The following CDK14 variants were observed in gnomAD, a reference collection of about 807,000 sequenced individuals.
CDK14 encodes cyclin dependent kinase 14.
A neutral mutation model predicts 60.7 loss-of-function variants in CDK14; 34 were observed. The observed-to-expected ratio is 0.56, with a 90% CI of 0.43 to 0.75. The LOEUF (loss-of-function observed/expected upper bound fraction) is 0.75. CDK14 is among the 30% of genes least tolerant of loss of function. CDK14 has a pLI of 0.00. For missense variants in CDK14, 482 were observed against 564.1 expected, an observed-to-expected ratio of 0.85 and a Z score of 1.47; for synonymous variants, 197 against 203.7, an observed-to-expected ratio of 0.97 and a Z score of 0.28.
intron 6 of CDK14, among the ~76,000 whole-genome samples, chr7:90,886,301 A>G (rs1231236864): frequency 2.6e-5 from 4 of 152,310 alleles, no homozygotes; most frequent in Non-Finnish European, 4.4e-5. Flanking sequence ...AAGAAACTTC[A>G]TATCTTGATT....
chr7:90,805,265 C>T (rs574567355), intron 5 of CDK14, among the ~76,000 whole-genome samples: 1 of 152,160 alleles, frequency 6.6e-6, no homozygotes, highest in East Asian at 1.9e-4. Flanking sequence ...AGGGGGGTAT[C>T]TTAAAGTTCA....
chr7:91,065,047 A>G (rs1313048253), intron 11 of CDK14, among the ~76,000 whole-genome samples: 1 of 152,208 alleles, frequency 6.6e-6, no homozygotes, highest in African/African-American at 2.4e-5. Context: ...AGAAACACAA[A>G]TGTCATCACA....
At chr7:91,206,045 C>T (rs1036967253) in intron 14 of CDK14, among the ~76,000 whole-genome samples, 3 of 152,168 alleles carry the variant, frequency 2.0e-5, no homozygotes. Context: ...CTGCCCGTCT[C>T]GGCCTCCCAA....
intron 2 of CDK14, among the ~76,000 whole-genome samples, chr7:90,673,480 G>A (rs887120643): frequency 6.6e-6 from 1 of 151,720 alleles, no homozygotes; most frequent in Non-Finnish European, 1.5e-5. Context: ...CCCACCCGGT[G>A]GCACAGTCAC....
chr7:90,710,564 CA>C (rs1802022625), intron 2 of CDK14: 5 of 984,668 alleles, frequency 5.1e-6, no homozygotes, highest in Non-Finnish European at 6.0e-6. Flanking sequence ...GAGCAGAGGT[CA>C]GTGTGCTGGT....
chr7:90,911,079 T>C (rs1329768773), intron 7 of CDK14, among the ~76,000 whole-genome samples: 1 of 152,204 alleles, frequency 6.6e-6, no homozygotes, highest in Admixed American at 6.5e-5. Flanking sequence ...AATTCACTTG[T>C]CTGAGGCTTT....
At chr7:90,792,048 G>A (rs556537315) in intron 5 of CDK14, among the ~76,000 whole-genome samples, 4 of 151,950 alleles carry the variant, frequency 2.6e-5, no homozygotes, top group African/African-American at 4.8e-5. Flanking sequence ...GATTACAGGC[G>A]TGCGCCACTA....
chr7:91,057,900 G>C (rs1006232560), intron 11 of CDK14, among the ~76,000 whole-genome samples: 2 of 152,024 alleles, frequency 1.3e-5, no homozygotes, highest in African/African-American at 2.4e-5. Context: ...CTCTTTTTTG[G>C]TTCCATATGA....
At position 90,744,496 on chromosome 7, in the gene CDK14, A is replaced by G. The variant is rs924815792; in HGVS notation, c.370-3185A>G. ...TCTATTCCACAAAACCGCCATTGTC[A>G]TCATGGCCCGTTCTCAATGAGCTGT... On this transcript the variant is annotated intron_variant, in intron 3 of 14. Transcript: ENST00000380050. Among the ~76,000 whole-genome samples the G allele has an allele frequency of 6.9e-4, 105 of 152,314 alleles. 1 individual carries two copies. The highest frequency in any genetic ancestry group is 4.3e-4 in the Non-Finnish European group (29 of 68,020).
chr7:91,152,023 A>G (rs1332104711), intron 14 of CDK14, among the ~76,000 whole-genome samples: 1 of 152,226 alleles, frequency 6.6e-6, no homozygotes, highest in Admixed American at 6.5e-5. Context: ...GTGTTCTTAA[A>G]TGCTACCAAT....
chr7:90,960,817 AT>A (rs1331071971), intron 9 of CDK14, among the ~76,000 whole-genome samples: 1 of 152,142 alleles, frequency 6.6e-6, no homozygotes, highest in East Asian at 1.9e-4. Context: ...AGAATCACAA[AT>A]TAGCCCTACC....
intron 8 of CDK14, among the ~76,000 whole-genome samples, chr7:90,952,500 G>A (rs1794293403): frequency 6.6e-6 from 1 of 151,988 alleles, no homozygotes; most frequent in Admixed American, 6.6e-5. Flanking sequence ...TTTACTCTGG[G>A]GTCTTTCATT....
intron 9 of CDK14, among the ~76,000 whole-genome samples, chr7:90,963,086 AGTGTGTGTGTGTGTGTGT>A (rs34662049): frequency 1.5e-4 from 22 of 142,080 alleles, no homozygotes; most frequent in Non-Finnish European, 3.0e-4. Context: ...TCATCTTAAG[AGTGTGTGTGTGTGTGTGT>A]GTGTGTGTGT....
intron 10 of CDK14, 132 bp downstream of exon 10, chr7:90,984,373 G>C: frequency 1.6e-6 from 1 of 642,938 alleles, no homozygotes; most frequent in Non-Finnish European, 2.8e-6. Context: ...AACATATTTT[G>C]GACCTTTGAA....
At chr7:90,699,611 G>T (rs754432711) in intron 2 of CDK14, among the ~76,000 whole-genome samples, 4 of 152,148 alleles carry the variant, frequency 2.6e-5, no homozygotes, top group Non-Finnish European at 4.4e-5. Flanking sequence ...CTTCATCTGT[G>T]ATGTTTTCTC....
intron 12 of CDK14, among the ~76,000 whole-genome samples, chr7:91,101,309 C>A (rs1423382898): frequency 1.3e-5 from 2 of 152,072 alleles, no homozygotes; most frequent in Non-Finnish European, 2.9e-5. Context: ...GTAAGCATGA[C>A]CCTTTGATCA....
chr7:90,976,668 C>A (rs150458749), intron 9 of CDK14, among the ~76,000 whole-genome samples: 25 of 152,134 alleles, frequency 1.6e-4, no homozygotes, highest in African/African-American at 5.8e-4. Flanking sequence ...CTGTCCTCAT[C>A]GGCCCATTTT....
Position 90,709,618 on chromosome 7 carries a change from C to T in CDK14, c.124-16949C>T, listed in dbSNP as rs148922724. The T allele has an allele frequency of 5.9e-5, 95 of 1,608,192 alleles. No individual in the cohort carries two copies. The East Asian group carries it at 2.1e-3, about 36-fold the overall frequency. The stretch of plus-strand genomic sequence containing the variant: ...TTCGTGGGAACTCCACAGGCAAGTC[C>T]ATCGTGTTTGGAAAAAAAAATTAGA... On this transcript the variant is annotated intron_variant, in intron 2 of 14. Transcript: ENST00000380050.
rs182127291 is a variant in CDK14, at chr7:91,078,994, A to G, written c.1106-438A>G. Among the ~76,000 whole-genome samples the G allele has an allele frequency of 8.5e-5, 13 of 152,350 alleles. No individual in the cohort carries two copies. The East Asian group carries it at 2.3e-3, about 27-fold the overall frequency. ...GTAGTTTGGCTTTGAGCATGTATAA[A>G]TACCATACAATATAGGAAAGGAGAC... On this transcript the variant is annotated intron_variant, in intron 11 of 14. Transcript: ENST00000380050.
Sources: gnomAD v4.1 joint callset for allele counts (sites outside exome capture counted in the v4.1 genomes callset) on GRCh38, gnomAD v4.1.1 for gene constraint, MANE v1.5 for transcripts, NCBI Gene and HGNC (gene_info 2026-07-23, HGNC 2026-07-21) for gene names.